The following SPMIP2 variants were observed in gnomAD, a reference collection of about 807,000 sequenced individuals.
SPMIP2 encodes sperm microtubule inner protein 2, also known as protein SPMIP2.
At chr4:159,080,204 CTTTATTTATTTA>C in the SPMIP2 span, among the ~76,000 whole-genome samples, 2,543 of 149,550 alleles carry the variant, frequency 0.017, 42 homozygotes, top group Admixed American at 0.049. Flanking sequence ...ACAACAAAGA[CTTTATTTATTTA>C]TTTATTTATT....
At chr4:159,014,425 GC>G in the SPMIP2 span, among the ~76,000 whole-genome samples, 1 of 152,124 alleles carries the variant, frequency 6.6e-6, no homozygotes, top group African/African-American at 2.4e-5. Flanking sequence ...CGCACTCCAG[GC>G]TGGGCGAAAG....
At chr4:158,937,055 A>G in the SPMIP2 span, among the ~76,000 whole-genome samples, 1 of 152,244 alleles carries the variant, frequency 6.6e-6, no homozygotes, top group East Asian at 1.9e-4. Flanking sequence ...CCAATGCTAC[A>G]GGTCCGTTTT....
At chr4:158,984,396 T>A in the SPMIP2 span, among the ~76,000 whole-genome samples, 145,686 of 147,370 alleles carry the variant, frequency 0.99, 72,027 homozygotes, top group East Asian at 1. Flanking sequence ...AGCTCTCCTC[T>A]GCGAATGTAA....
At chr4:159,013,823 A>ATAATACTATGAAGCTTGAGGACT in the SPMIP2 span, among the ~76,000 whole-genome samples, 2 of 152,248 alleles carry the variant, frequency 1.3e-5, no homozygotes, top group African/African-American at 4.8e-5. Flanking sequence ...GCTTGAGGAC[A>ATAATACTATGAAGCTTGAGGACT]TAATACTAAG....
chr4:158,938,827 G>C, the SPMIP2 span, among the ~76,000 whole-genome samples: 2 of 152,228 alleles, frequency 1.3e-5, no homozygotes, highest in Non-Finnish European at 2.9e-5. Flanking sequence ...TTTATATGGA[G>C]TAATGAGCAC....
the SPMIP2 span, among the ~76,000 whole-genome samples, chr4:159,060,091 T>C: frequency 2.0e-5 from 3 of 152,166 alleles, no homozygotes; most frequent in Admixed American, 6.5e-5. Flanking sequence ...GCACCAGCCA[T>C]TGAGTGGGCC....
the SPMIP2 span, among the ~76,000 whole-genome samples, chr4:158,981,857 T>G: frequency 8.3e-6 from 1 of 120,690 alleles, no homozygotes. Flanking sequence ...AGAGACAGGA[T>G]CAAATTCACA....
chr4:158,921,961 C>T, the SPMIP2 span, among the ~76,000 whole-genome samples: 2 of 148,852 alleles, frequency 1.3e-5, no homozygotes, highest in Non-Finnish European at 3.0e-5. Context: ...AATCTTGGCT[C>T]ACTGCAAGTT....
At chr4:158,918,432 A>T in the SPMIP2 span, among the ~76,000 whole-genome samples, 12 of 152,248 alleles carry the variant, frequency 7.9e-5, no homozygotes, top group Admixed American at 2.6e-4. Context: ...TGAGAATGTA[A>T]GCAACAGATA....
chr4:158,915,888 T>C, the SPMIP2 span, among the ~76,000 whole-genome samples: 2 of 152,226 alleles, frequency 1.3e-5, no homozygotes, highest in African/African-American at 4.8e-5. Context: ...AGCCCTGCTT[T>C]TCCATTATAA....
chr4:159,049,440 G>T, the SPMIP2 span, among the ~76,000 whole-genome samples: 3 of 152,172 alleles, frequency 2.0e-5, no homozygotes, highest in Non-Finnish European at 2.9e-5. Context: ...CAAACCAAGT[G>T]ATTTTTTTAA....
At chr4:158,927,072 C>T in the SPMIP2 span, among the ~76,000 whole-genome samples, 1 of 152,140 alleles carries the variant, frequency 6.6e-6, no homozygotes, top group Non-Finnish European at 1.5e-5. Context: ...TGTCTATTTC[C>T]TCCTTTAGTT....
the SPMIP2 span, among the ~76,000 whole-genome samples, chr4:159,017,006 G>A: frequency 6.6e-6 from 1 of 152,160 alleles, no homozygotes; most frequent in South Asian, 2.1e-4. Context: ...GGAGGGAGCA[G>A]GTGGGAGCTG....
At chr4:158,901,460 T>A in the SPMIP2 span, among the ~76,000 whole-genome samples, 123 of 152,238 alleles carry the variant, frequency 8.1e-4, 1 homozygote, top group African/African-American at 2.9e-3. Flanking sequence ...CTGACCATTA[T>A]GTGTCTTGGG....
chr4:159,013,324 G>A, the SPMIP2 span, among the ~76,000 whole-genome samples: 2 of 152,234 alleles, frequency 1.3e-5, no homozygotes, highest in Non-Finnish European at 2.9e-5. Flanking sequence ...AAGAGGTACA[G>A]AGGCAACTCA....
At chr4:159,052,280 A>T in the SPMIP2 span, among the ~76,000 whole-genome samples, 1 of 152,168 alleles carries the variant, frequency 6.6e-6, no homozygotes, top group East Asian at 1.9e-4. Context: ...AAATTCTCTT[A>T]AAAAATTGGA....
chr4:158,981,388 C>T, the SPMIP2 span, among the ~76,000 whole-genome samples: 1 of 151,968 alleles, frequency 6.6e-6, no homozygotes, highest in African/African-American at 2.4e-5. Context: ...AAGAGCAACC[C>T]CAAGACACAT....
chr4:158,937,894 T>A, the SPMIP2 span, among the ~76,000 whole-genome samples: 1 of 152,358 alleles, frequency 6.6e-6, no homozygotes, highest in Admixed American at 6.5e-5. Context: ...TAATCAGTTG[T>A]TCATGATGAA....
At chr4:158,973,732 T>C in the SPMIP2 span, among the ~76,000 whole-genome samples, 1 of 152,130 alleles carries the variant, frequency 6.6e-6, no homozygotes, top group Non-Finnish European at 1.5e-5. Context: ...TTTATGCCTG[T>C]AATCCCAGCA....
Sources: gnomAD v4.1 joint callset for allele counts (sites outside exome capture counted in the v4.1 genomes callset) on GRCh38, gnomAD v4.1.1 for gene constraint, MANE v1.5 for transcripts, NCBI Gene and HGNC (gene_info 2026-07-23, HGNC 2026-07-21) for gene names.